Variants in SNCAIP observed in about 807,000 individuals in gnomAD.
SNCAIP encodes synphilin-1.
In SNCAIP, 43 loss-of-function variants were observed where a neutral mutation model predicts 86.7. The observed-to-expected ratio is 0.50, with a 90% CI of 0.39 to 0.64. The LOEUF is 0.64. SNCAIP is among the 30% of genes least tolerant of loss of function. SNCAIP has a pLI of 0.00. For missense variants in SNCAIP, 981 were observed against 1,103.1 expected, an observed-to-expected ratio of 0.89 and a Z score of 1.57; for synonymous variants, 417 against 427.2, an observed-to-expected ratio of 0.98 and a Z score of 0.29.
chr5:122,369,853 G>C (rs1580747755), intron 1 of SNCAIP: 1 of 152,134 alleles, frequency 6.6e-6, no homozygotes, highest in East Asian at 1.9e-4. Context: ...TGGCATCCAG[G>C]CTTCTTAGCT....
intron 6 of SNCAIP, among the ~76,000 whole-genome samples, chr5:122,439,637 C>G (rs984742772): frequency 6.6e-6 from 1 of 152,052 alleles, no homozygotes; most frequent in Non-Finnish European, 1.5e-5. Context: ...AGTTCATGAG[C>G]AGTCGGAGCA....
chr5:122,438,837 A>C (rs1780133032), intron 6 of SNCAIP, among the ~76,000 whole-genome samples: 2 of 152,188 alleles, frequency 1.3e-5, no homozygotes, highest in South Asian at 4.1e-4. Context: ...TAATATCTTG[A>C]AGCAAACCAA....
chr5:122,346,061 C>T (rs910059300), intron 1 of SNCAIP, among the ~76,000 whole-genome samples: 1 of 152,110 alleles, frequency 6.6e-6, no homozygotes, highest in African/African-American at 2.4e-5. Context: ...GAAATTCTAT[C>T]TGGTAGAACA....
chr5:122,361,706 G>A (rs1003685092), intron 1 of SNCAIP, among the ~76,000 whole-genome samples: 2 of 152,302 alleles, frequency 1.3e-5, no homozygotes, highest in Non-Finnish European at 2.9e-5. Flanking sequence ...ATGCCTTAAA[G>A]GTCCCAGCAT....
At chr5:122,379,934 C>T (rs1230398369) in intron 1 of SNCAIP, among the ~76,000 whole-genome samples, 7 of 152,030 alleles carry the variant, frequency 4.6e-5, no homozygotes, top group Admixed American at 1.3e-4. Flanking sequence ...TTGCTGGATT[C>T]GGTTTGCCAG....
At chr5:122,448,173 C>G (rs574145365) in intron 8 of SNCAIP, among the ~76,000 whole-genome samples, 1 of 152,170 alleles carries the variant, frequency 6.6e-6, no homozygotes, top group African/African-American at 2.4e-5. Context: ...TGAAGTACAG[C>G]AGTCATTTTA....
intron 1 of SNCAIP, among the ~76,000 whole-genome samples, chr5:122,375,108 G>T (rs1457657104): frequency 1.3e-5 from 2 of 152,076 alleles, no homozygotes; most frequent in African/African-American, 4.8e-5. Context: ...ATATTTGGTT[G>T]TTCAGACATT....
chr5:122,358,289 T>C (rs1015962826), intron 1 of SNCAIP, among the ~76,000 whole-genome samples: 8 of 151,226 alleles, frequency 5.3e-5, no homozygotes, highest in Admixed American at 5.3e-4. Context: ...ATGTGCCATG[T>C]TGGTGTGCTG....
At chr5:122,433,112 A>AGT (rs34711914) in intron 6 of SNCAIP, among the ~76,000 whole-genome samples, 19,495 of 147,642 alleles carry the variant, frequency 0.13, 1,260 homozygotes, top group African/African-American at 0.16. Flanking sequence ...AACTTCTAGT[A>AGT]GTGTGTGTGT....
rs541434899 is a variant in SNCAIP, at chr5:122,355,692, G to A, written c.-46-35397G>A. On this transcript the variant is annotated intron_variant, in intron 1 of 10. Coordinates refer to ENST00000261368, the MANE Select transcript of SNCAIP (RefSeq NM_005460.4). Reference sequence around the variant, plus strand: ...TCTCCCCTCGCATGTTCATTGTCAGGCCTAGACTCACAGAGGGGAATGGAG... The same window carrying A: ...TCTCCCCTCGCATGTTCATTGTCAGACCTAGACTCACAGAGGGGAATGGAG... 2.0e-5 allele frequency among the ~76,000 whole-genome samples: 3 copies of A among 152,276 alleles called. No homozygotes were observed. The East Asian group carries it at 5.8e-4, about 29-fold the overall frequency.
At chr5:122,455,261 C>T (rs374625616) in intron 10 of SNCAIP, among the ~76,000 whole-genome samples, 9 of 152,220 alleles carry the variant, frequency 5.9e-5, no homozygotes, top group South Asian at 4.2e-4. Flanking sequence ...AGAACTAGGC[C>T]GGTTCACTCC....
chr5:122,457,743 T>G (rs1357796448), intron 10 of SNCAIP, among the ~76,000 whole-genome samples: 1 of 152,216 alleles, frequency 6.6e-6, no homozygotes. Flanking sequence ...TTTTATACCA[T>G]GACTTGGAGA....
chr5:122,395,230 T>C (rs547764021), intron 2 of SNCAIP, among the ~76,000 whole-genome samples: 16 of 152,268 alleles, frequency 1.1e-4, no homozygotes, highest in Non-Finnish European at 1.9e-4. Flanking sequence ...CCTCAACCTA[T>C]TACCCTAAAT....
intron 5 of SNCAIP, among the ~76,000 whole-genome samples, chr5:122,429,779 G>T (rs949479775): frequency 2.6e-5 from 4 of 152,118 alleles, no homozygotes; most frequent in Admixed American, 1.3e-4. Flanking sequence ...AGTACCCTGG[G>T]GTGTTTATTT....
At chr5:122,349,946 C>T (rs1221630519) in intron 1 of SNCAIP, among the ~76,000 whole-genome samples, 1 of 152,136 alleles carries the variant, frequency 6.6e-6, no homozygotes, top group Non-Finnish European at 1.5e-5. Flanking sequence ...CCCCATCAGC[C>T]AAATATCCTT....
intron 1 of SNCAIP, among the ~76,000 whole-genome samples, chr5:122,377,632 G>A (rs1765645211): frequency 6.6e-6 from 1 of 151,638 alleles, no homozygotes; most frequent in Non-Finnish European, 1.5e-5. Context: ...CTGGTGCGCT[G>A]CACCTACTAA....
Position 122,451,465 on chromosome 5 carries a change from G to A in SNCAIP, c.2618G>A (p.Gly873Asp), listed in dbSNP as rs1334883855. Residue 873 changes from glycine (G) to aspartate (D), a missense_variant, in exon 10 of 11, where the codon GGC becomes GAC. By Grantham distance (94) the Gly-to-Asp change is moderately conservative. Coordinates refer to ENST00000261368, the MANE Select transcript of SNCAIP (RefSeq NM_005460.4). ...CGATCTATCATGGAGACACTAAGTG[G>A]CAACCAAAACAATAATAATAACTAC... ...AFRSIMETLSGNQNNNNNYQA... is the reference protein window; with the variant it reads ...AFRSIMETLSDNQNNNNNYQA... The A allele has an allele frequency of 5.1e-5, 82 of 1,613,812 alleles. No individual in the cohort carries two copies. The highest frequency in any genetic ancestry group is 6.8e-5 in the Non-Finnish European group (80 of 1,179,986).
At chr5:122,397,957 G>A (rs898090840) in intron 2 of SNCAIP, among the ~76,000 whole-genome samples, 7 of 152,122 alleles carry the variant, frequency 4.6e-5, no homozygotes, top group African/African-American at 1.4e-4. Flanking sequence ...TTATAAAGAC[G>A]AGAGTTGAAA....
intron 1 of SNCAIP, among the ~76,000 whole-genome samples, chr5:122,337,464 C>T (rs1756717610): frequency 6.6e-6 from 1 of 152,072 alleles, no homozygotes; most frequent in South Asian, 2.1e-4. Flanking sequence ...AGTTGAATCA[C>T]ATGACAAGTG....
Sources: gnomAD v4.1 joint callset for allele counts (sites outside exome capture counted in the v4.1 genomes callset) on GRCh38, gnomAD v4.1.1 for gene constraint, MANE v1.5 for transcripts, NCBI Gene and HGNC (gene_info 2026-07-23, HGNC 2026-07-21) for gene names.